MAPK8: variants seen among roughly 807,000 people sequenced by gnomAD.
The protein encoded by MAPK8 is JUN N-terminal kinase.
A neutral mutation model predicts 52.9 loss-of-function variants in MAPK8; 13 were observed. The observed-to-expected ratio is 0.25, with a 90% CI of 0.16 to 0.39. The LOEUF (loss-of-function observed/expected upper bound fraction) is 0.39. Among genes scored for constraint, MAPK8 ranks in the 10% least tolerant of loss-of-function variants. The pLI is 1.00. For missense variants in MAPK8, 300 were observed against 519.2 expected (o/e 0.58, Z 4.10); for synonymous variants, 191 against 169.8 (o/e 1.12, Z -0.97).
At chr10:48,420,101 G>C (rs2133185769) in intron 5 of MAPK8, 54 bp from the exon 6 acceptor site, 1 of 1,351,248 alleles carries the variant, frequency 7.4e-7, no homozygotes, top group Non-Finnish European at 1.0e-6. Flanking sequence ...ATTGTGAACT[G>C]TAGGATTTTC....
chr10:48,433,109 T>G (rs1167655216), intron 11 of MAPK8, among the ~76,000 whole-genome samples: 1 of 152,188 alleles, frequency 6.6e-6, no homozygotes, highest in Non-Finnish European at 1.5e-5. Context: ...AAGAGAGGAA[T>G]GACCCATGTG....
At chr10:48,360,573 T>A (rs1450634739) in intron 1 of MAPK8, among the ~76,000 whole-genome samples, 1 of 152,166 alleles carries the variant, frequency 6.6e-6, no homozygotes, top group African/African-American at 2.4e-5. Flanking sequence ...CCCTCAGTAG[T>A]AGATTAGATA....
At chr10:48,351,345 G>C (rs1362196712) in intron 1 of MAPK8, among the ~76,000 whole-genome samples, 2 of 136,256 alleles carry the variant, frequency 1.5e-5, no homozygotes, top group Non-Finnish European at 3.0e-5. Flanking sequence ...TGTGATCATA[G>C]CTCACAGCAA....
intron 9 of MAPK8, chr10:48,426,710 T>G (rs1315413718): frequency 1.3e-5 from 7 of 544,724 alleles, no homozygotes; most frequent in Non-Finnish European, 2.2e-5. Context: ...CTCCCACTGT[T>G]TTTTGCAATC....
intron 7 of MAPK8, 58 bp from the exon 8 acceptor site, chr10:48,425,830 T>TACA: frequency 2.2e-6 from 2 of 928,762 alleles, no homozygotes; most frequent in Non-Finnish European, 3.2e-6. Context: ...GTAATATGAA[T>TACA]ATGACTAATG....
At chr10:48,329,380 T>G (rs1448151626) in intron 1 of MAPK8, among the ~76,000 whole-genome samples, 1 of 152,148 alleles carries the variant, frequency 6.6e-6, no homozygotes, top group East Asian at 1.9e-4. Flanking sequence ...AGCAATAACG[T>G]TTTGAGATCC....
At chr10:48,330,963 C>A (rs1844081791) in intron 1 of MAPK8, among the ~76,000 whole-genome samples, 1 of 152,154 alleles carries the variant, frequency 6.6e-6, no homozygotes, top group Non-Finnish European at 1.5e-5. Context: ...GTTTCTCGGT[C>A]TAGAATGGAT....
At chr10:48,310,786 C>T (rs1288529920) in intron 1 of MAPK8, among the ~76,000 whole-genome samples, 8 of 141,152 alleles carry the variant, frequency 5.7e-5, no homozygotes, top group Non-Finnish European at 1.0e-4. Flanking sequence ...TGGAGAGAGA[C>T]AGAGAGGAGA....
chr10:48,340,860 C>G (rs921693992), intron 1 of MAPK8, among the ~76,000 whole-genome samples: 1 of 152,216 alleles, frequency 6.6e-6, no homozygotes, highest in African/African-American at 2.4e-5. Flanking sequence ...TTCTAGTCAC[C>G]TTCACCTCCT....
At chr10:48,433,465 T>C (rs1236814794) in intron 11 of MAPK8, among the ~76,000 whole-genome samples, 3 of 152,202 alleles carry the variant, frequency 2.0e-5, no homozygotes, top group Non-Finnish European at 4.4e-5. Context: ...TTGAACTAAA[T>C]AGAATATACT....
chr10:48,379,601 G>A (rs188992752), intron 1 of MAPK8, among the ~76,000 whole-genome samples: 1 of 151,966 alleles, frequency 6.6e-6, no homozygotes, highest in Admixed American at 6.6e-5. Context: ...AGCTATAAAT[G>A]GCTCAAAAAA....
At chr10:48,337,060 A>C (rs894578320) in intron 1 of MAPK8, among the ~76,000 whole-genome samples, 4 of 152,332 alleles carry the variant, frequency 2.6e-5, no homozygotes, top group Admixed American at 2.6e-4. Context: ...ACAGCACTGG[A>C]CAGATCACCG....
intron 1 of MAPK8, among the ~76,000 whole-genome samples, chr10:48,368,905 C>T (rs1471492139): frequency 6.6e-6 from 1 of 152,170 alleles, no homozygotes; most frequent in African/African-American, 2.4e-5. Flanking sequence ...ATACTGTCTT[C>T]TCTTAACTAT....
At position 48,437,445 on chromosome 10, in the gene MAPK8, A is replaced by G. The variant is rs1313226116; in HGVS notation, c.*2416A>G. On this transcript the variant is annotated 3_prime_UTR_variant, in exon 12 of 12. Transcript: ENST00000374189. ...CTTATTCTATAATTTTGATTTTTCA[A>G]TTTTATATACTTAATATACTCACTG... 6.6e-6 allele frequency: 1 copy of G among 152,108 alleles called. No individual in the cohort carries two copies. Among genetic ancestry groups the G allele is most frequent in the African/African-American group, 2.4e-5 (1 of 41,422 alleles). 9.4% of individuals were successfully genotyped at this position (152,108 alleles called of 1,614,324 possible). A position where few individuals can be genotyped will look rare whatever the true frequency, so the allele number is the denominator to read the frequency against.
chr10:48,344,327 A>G (rs893637516), intron 1 of MAPK8, among the ~76,000 whole-genome samples: 1 of 152,156 alleles, frequency 6.6e-6, no homozygotes, highest in Non-Finnish European at 1.5e-5. Flanking sequence ...TTTTAGTGCT[A>G]TTTATAACTC....
chr10:48,371,684 T>C (rs1443323538), intron 1 of MAPK8, among the ~76,000 whole-genome samples: 1 of 152,084 alleles, frequency 6.6e-6, no homozygotes, highest in Non-Finnish European at 1.5e-5. Flanking sequence ...TGACATTGTC[T>C]TCCGGAAAAC....
chr10:48,400,090 A>G (rs2042083425), intron 1 of MAPK8, among the ~76,000 whole-genome samples: 1 of 152,238 alleles, frequency 6.6e-6, no homozygotes, highest in South Asian at 2.1e-4. Context: ...TTATGGTAGG[A>G]AAATGATTAG....
At chr10:48,426,354 G>T in intron 8 of MAPK8, 26 bp from the exon 9 acceptor site, 3 of 1,570,344 alleles carry the variant, frequency 1.9e-6, no homozygotes, top group Non-Finnish European at 2.6e-6. Flanking sequence ...ACAAATATAT[G>T]TACATTAACA....
chr10:48,378,016 T>C (rs1207502749), intron 1 of MAPK8, among the ~76,000 whole-genome samples: 4 of 152,204 alleles, frequency 2.6e-5, no homozygotes, highest in Admixed American at 2.6e-4. Context: ...GCATGACTGC[T>C]GTTAGATTTT....
Sources: gnomAD v4.1 joint callset for allele counts (sites outside exome capture counted in the v4.1 genomes callset) on GRCh38, gnomAD v4.1.1 for gene constraint, MANE v1.5 for transcripts, NCBI Gene and HGNC (gene_info 2026-07-23, HGNC 2026-07-21) for gene names.